The following FRMD8 variants were observed in gnomAD, a reference collection of about 807,000 sequenced individuals.
FRMD8 encodes FERM domain containing 8.
Under a neutral mutation model 54.2 loss-of-function variants are expected in FRMD8, and 37 were observed. The ratio of observed to expected loss-of-function variants is 0.68; its 90% CI spans 0.53 to 0.90. The LOEUF is 0.90. Among genes scored for constraint, FRMD8 ranks in the 40% least tolerant of loss-of-function variants. FRMD8 has a pLI of 0.00. For synonymous variants in FRMD8, 246 were observed against 286.9 expected (o/e 0.86, Z 1.44); for missense variants, 585 against 653.7 (o/e 0.89, Z 1.15).
chr11:65,376,179 T>C, the FRMD8 span: 14 of 585,454 alleles, frequency 2.4e-5, no homozygotes, highest in East Asian at 3.4e-4. Context: ...TTCACAGATG[T>C]GGGAGGCAAA....
At chr11:65,390,977 T>C (rs554408421) in intron 3 of FRMD8, among the ~76,000 whole-genome samples, 84 of 152,364 alleles carry the variant, frequency 5.5e-4, no homozygotes, top group South Asian at 3.1e-3. Flanking sequence ...TCAGGGAGGC[T>C]GAAAAGCCAC....
chr11:65,389,517 C>T lies in FRMD8; in HGVS notation c.242C>T (p.Ser81Phe). ...GATGTCTTCGCGCTCTGGCTGGTCTCCCCTCTGCTGGGTAAGGCTTGGCAG... is the reference window on the plus strand; with the variant it reads ...GATGTCTTCGCGCTCTGGCTGGTCTTCCCTCTGCTGGGTAAGGCTTGGCAG... ...ALDVFALWLVSPLLEVQLKPK... is the reference protein window; with the variant it reads ...ALDVFALWLVFPLLEVQLKPK... Residue 81 changes from serine (S) to phenylalanine (F), a missense_variant, in exon 3 of 11, where the codon TCC becomes TTC. By Grantham distance (155) the Ser-to-Phe change is radical. Coordinates refer to ENST00000317568, the MANE Select transcript of FRMD8 (RefSeq NM_031904.5). 6.3e-7 allele frequency: 1 copy of T among 1,587,806 alleles called. No homozygotes were observed. The highest frequency in any genetic ancestry group is 8.5e-7 in the Non-Finnish European group (1 of 1,171,438).
rs1856364288 is a variant in FRMD8, at chr11:65,412,734, T to C, written c.*1374T>C. 6.6e-6 allele frequency: 1 copy of C among 152,220 alleles called. No individual in the cohort carries two copies. Among genetic ancestry groups the C allele is most frequent in the African/African-American group, 2.4e-5 (1 of 41,462 alleles). The allele number at this position is 152,220 out of a possible 1,614,324, so 9.4% of individuals were successfully genotyped here. A position where few individuals can be genotyped will look rare whatever the true frequency, so the allele number is the denominator to read the frequency against. On this transcript the variant is annotated 3_prime_UTR_variant, in exon 11 of 11. Coordinates refer to ENST00000317568, the MANE Select transcript of FRMD8 (RefSeq NM_031904.5). ...CAGAGCCTGTTCACCCTCCTCCCTTTGGTAGCTTGTGAATGTGCCAGGTGT... is the reference window on the plus strand; with the variant it reads ...CAGAGCCTGTTCACCCTCCTCCCTTCGGTAGCTTGTGAATGTGCCAGGTGT...
At chr11:65,393,494 C>T (rs1855881834) in intron 3 of FRMD8, 79 bp from the exon 4 acceptor site, 1 of 1,043,640 alleles carries the variant, frequency 9.6e-7, no homozygotes. Context: ...TGTCGTCATG[C>T]TGTGCGGTGT....
At chr11:65,398,804 C>T (rs1260986625) in intron 7 of FRMD8, among the ~76,000 whole-genome samples, 2 of 152,218 alleles carry the variant, frequency 1.3e-5, no homozygotes, top group Admixed American at 6.5e-5. Context: ...AGAAGTCTTC[C>T]GGAGGAGGCT....
chr11:65,369,921 A>G, the FRMD8 span, among the ~76,000 whole-genome samples: 1 of 150,502 alleles, frequency 6.6e-6, no homozygotes, highest in Admixed American at 6.6e-5. Flanking sequence ...AATCCCAGCT[A>G]CTCGGGAGGT....
the FRMD8 span, among the ~76,000 whole-genome samples, chr11:65,369,340 TG>T: frequency 2.5e-4 from 38 of 151,114 alleles, 2 homozygotes; most frequent in Admixed American, 2.5e-3. Flanking sequence ...ATCTCAGCAC[TG>T]TGGGAGGCCG....
chr11:65,386,650 C>G lies in FRMD8; in HGVS notation c.-112C>G. ...CGTGGCTTCCGCGTCGCTTCCCGGTCAGCTGCGTCCTTAGCGGGAGCCCGA... is the reference window on the plus strand; with the variant it reads ...CGTGGCTTCCGCGTCGCTTCCCGGTGAGCTGCGTCCTTAGCGGGAGCCCGA... On this transcript the variant is annotated 5_prime_UTR_variant, in exon 1 of 11. Coordinates refer to ENST00000317568, the MANE Select transcript of FRMD8 (RefSeq NM_031904.5). 4.5e-6 allele frequency: 1 copy of G among 224,536 alleles called. No individual in the cohort carries two copies. The highest frequency in any genetic ancestry group is 8.7e-6 in the Non-Finnish European group (1 of 114,792). The allele number at this position is 224,536 out of a possible 1,614,324, so 13.9% of individuals were successfully genotyped here.
the FRMD8 span, chr11:65,380,594 A>G: frequency 7.7e-7 from 1 of 1,295,206 alleles, no homozygotes; most frequent in Non-Finnish European, 1.0e-6. Context: ...GATCCAGAGC[A>G]GGCCCTGCTG....
At chr11:65,377,932 T>C in the FRMD8 span, 1 of 152,498 alleles carries the variant, frequency 6.6e-6, no homozygotes, top group Admixed American at 6.5e-5. Flanking sequence ...GCTCAGTTCC[T>C]CAGCCCTGGA....
chr11:65,386,903 G>A, intron 1 of FRMD8, 134 bp from the exon 2 acceptor site: 1 of 760,534 alleles, frequency 1.3e-6, no homozygotes, highest in Non-Finnish European at 2.2e-6. Flanking sequence ...TGCACTCTTG[G>A]CCCCTCCAGG....
At chr11:65,379,731 AC>A in the FRMD8 span, 1 of 1,314,946 alleles carries the variant, frequency 7.6e-7, no homozygotes. Flanking sequence ...CTAAGCTACC[AC>A]CCAGGCCCCC....
intron 2 of FRMD8, among the ~76,000 whole-genome samples, chr11:65,387,522 A>C (rs915887551): frequency 6.6e-6 from 1 of 152,008 alleles, no homozygotes; most frequent in Admixed American, 6.5e-5. Flanking sequence ...TCTTTGTGTC[A>C]TTTCTTTTTT....
chr11:65,407,193 G>A (rs949594380), intron 10 of FRMD8, among the ~76,000 whole-genome samples: 4 of 151,562 alleles, frequency 2.6e-5, no homozygotes, highest in African/African-American at 9.7e-5. Flanking sequence ...ATTATTCCAT[G>A]ATAAAAAGTT....
chr11:65,379,316 G>A, the FRMD8 span: 2 of 1,581,614 alleles, frequency 1.3e-6, no homozygotes, highest in Non-Finnish European at 1.7e-6. Context: ...GGGTGGGAGA[G>A]GACAGATCGA....
chr11:65,398,353 G>A (rs1039724385), intron 7 of FRMD8, among the ~76,000 whole-genome samples: 2 of 152,334 alleles, frequency 1.3e-5, no homozygotes, highest in African/African-American at 2.4e-5. Context: ...CCCCACTGGC[G>A]ACTTCGAGTG....
intron 3 of FRMD8, among the ~76,000 whole-genome samples, chr11:65,391,110 T>C (rs927864961): frequency 6.2e-4 from 95 of 152,378 alleles, no homozygotes; most frequent in African/African-American, 2.3e-3. Context: ...AGGGGCGCTG[T>C]CTTCTGGAGC....
intron 3 of FRMD8, among the ~76,000 whole-genome samples, chr11:65,393,182 T>C (rs1590649605): frequency 1.3e-5 from 2 of 152,216 alleles, no homozygotes; most frequent in African/African-American, 4.8e-5. Flanking sequence ...AGGCAGCCCC[T>C]TGGGCCTCTG....
intron 6 of FRMD8, 25 bp downstream of exon 6, chr11:65,394,450 G>A (rs907909474): frequency 8.4e-6 from 13 of 1,548,320 alleles, no homozygotes; most frequent in East Asian, 2.4e-5. Flanking sequence ...GACTTGAGGC[G>A]GGGGCGCTGG....
Sources: gnomAD v4.1 joint callset for allele counts (sites outside exome capture counted in the v4.1 genomes callset) on GRCh38, gnomAD v4.1.1 for gene constraint, MANE v1.5 for transcripts, NCBI Gene and HGNC (gene_info 2026-07-23, HGNC 2026-07-21) for gene names.